LRTM1: variants seen among roughly 807,000 people sequenced by gnomAD.
The protein encoded by LRTM1 is leucine-rich repeat and transmembrane domain-containing protein 1.
In LRTM1, 38 loss-of-function variants were observed where a neutral mutation model predicts 32.4. The ratio of observed to expected loss-of-function variants is 1.17; its 90% CI spans 0.91 to 1.54. The LOEUF (loss-of-function observed/expected upper bound fraction) is 1.54, where lower values mean the gene tolerates loss of function less well. LRTM1 is among the 40% of genes most tolerant of loss of function. LRTM1 has a pLI of 0.00. For synonymous variants in LRTM1, 186 were observed against 169.9 expected (o/e 1.09, Z -0.74); for missense variants, 466 against 415.4 (o/e 1.12, Z -1.06).
chr3:54,933,051 CCCTTCCTTCCTTCCTT>C (rs60554563), upstream of LRTM1, among the ~76,000 whole-genome samples: 39,292 of 139,342 alleles, frequency 0.28, 6,053 homozygotes, highest in East Asian at 0.43. Context: ...ATCCATCCCT[CCCTTCCTTCCTTCCTT>C]CCTTCCTTCC....
At chr3:54,950,176 C>A (rs994198160) in intron 1 of LRTM1, among the ~76,000 whole-genome samples, 34 of 152,208 alleles carry the variant, frequency 2.2e-4, no homozygotes, top group Admixed American at 2.2e-3. Flanking sequence ...TTCCATACAG[C>A]CGAGGTAGCT....
upstream of LRTM1, chr3:54,928,114 C>G: frequency 1.8e-6 from 1 of 569,848 alleles, no homozygotes. Context: ...TTGTCTCCAT[C>G]TGGCTGGGAT....
rs529290447 is a variant in LRTM1, at chr3:54,966,020, A to T, written c.-222+908T>A. On this transcript the variant is annotated intron_variant, in intron 1 of 2. Transcript: ENST00000493075. ...GCGCCCCAAGGAGCTGGGGTAGAGG[A>T]CCGACAGGGGCAGATGAGAACAGAC... 3.9e-5 allele frequency among the ~76,000 whole-genome samples: 6 copies of T among 152,254 alleles called. No homozygotes were observed. The East Asian group carries it at 9.7e-4, about 25-fold the overall frequency.
At chr3:54,961,330 A>G (rs1383346876) in intron 1 of LRTM1, among the ~76,000 whole-genome samples, 1 of 152,210 alleles carries the variant, frequency 6.6e-6, no homozygotes, top group African/African-American at 2.4e-5. Context: ...GATGATCTGG[A>G]TGAGCATTTA....
intron 1 of LRTM1, among the ~76,000 whole-genome samples, chr3:54,934,893 C>T (rs530671980): frequency 3.3e-5 from 5 of 152,094 alleles, no homozygotes; most frequent in African/African-American, 4.8e-5. Flanking sequence ...CACCACACCC[C>T]GCTAATTTCT....
At chr3:54,932,675 C>T (rs559083306), upstream of LRTM1, among the ~76,000 whole-genome samples, 3 of 152,168 alleles carry the variant, frequency 2.0e-5, no homozygotes, top group Non-Finnish European at 4.4e-5. Context: ...GGGGTCTCTA[C>T]GTGTGATGAG....
chr3:54,952,460 G>T (rs1004296198), intron 1 of LRTM1, among the ~76,000 whole-genome samples: 3 of 152,180 alleles, frequency 2.0e-5, no homozygotes, highest in African/African-American at 7.2e-5. Context: ...TCAGTTCACA[G>T]ATGTGGGAAA....
At chr3:54,941,550 T>G (rs907953314) in intron 1 of LRTM1, among the ~76,000 whole-genome samples, 6 of 152,220 alleles carry the variant, frequency 3.9e-5, no homozygotes, top group Admixed American at 3.9e-4. Flanking sequence ...AAATAAAATC[T>G]TAACGACATT....
chr3:54,938,937 G>A (rs1701392620), intron 1 of LRTM1, among the ~76,000 whole-genome samples: 3 of 152,130 alleles, frequency 2.0e-5, no homozygotes, highest in African/African-American at 7.2e-5. Flanking sequence ...ATGTGCATTG[G>A]CCTGCAGAAA....
At chr3:54,933,400 T>G (rs1701254236) in intron 1 of LRTM1, among the ~76,000 whole-genome samples, 2 of 152,214 alleles carry the variant, frequency 1.3e-5, no homozygotes, top group Non-Finnish European at 2.9e-5. Flanking sequence ...GACCCAGGCT[T>G]CTTCCACCTT....
chr3:54,933,666 G>C (rs1422451565), intron 1 of LRTM1, among the ~76,000 whole-genome samples: 2 of 151,862 alleles, frequency 1.3e-5, no homozygotes, highest in Admixed American at 1.3e-4. Flanking sequence ...TAGACATTAA[G>C]TTTCAAATGA....
At chr3:54,927,524 G>A (rs1344542777) in intron 1 of LRTM1, among the ~76,000 whole-genome samples, 1 of 152,164 alleles carries the variant, frequency 6.6e-6, no homozygotes, top group Non-Finnish European at 1.5e-5. Flanking sequence ...GAACATGTTT[G>A]CCGCAGAATC....
chr3:54,928,311 G>A (rs1463493895), upstream of LRTM1, among the ~76,000 whole-genome samples: 1 of 152,128 alleles, frequency 6.6e-6, no homozygotes, highest in Admixed American at 6.5e-5. Context: ...TATTTAATCT[G>A]CTTGAAGTAC....
intron 1 of LRTM1, among the ~76,000 whole-genome samples, chr3:54,943,711 T>G (rs535864214): frequency 1.3e-5 from 2 of 152,178 alleles, no homozygotes; most frequent in South Asian, 2.1e-4. Context: ...ATGTTTGGTA[T>G]TTCTGCCTAT....
At chr3:54,942,694 G>T (rs2106989145) in intron 1 of LRTM1, among the ~76,000 whole-genome samples, 1 of 152,124 alleles carries the variant, frequency 6.6e-6, no homozygotes, top group East Asian at 1.9e-4. Flanking sequence ...TTTGAGACCA[G>T]CCTGGGCAAC....
At chr3:54,920,391 G>A (rs1011898333) in intron 2 of LRTM1, among the ~76,000 whole-genome samples, 4 of 150,970 alleles carry the variant, frequency 2.6e-5, no homozygotes, top group African/African-American at 9.8e-5. Flanking sequence ...TGTTGCCACT[G>A]CTTAAAACTG....
chr3:54,936,188 A>G (rs1243525007), intron 1 of LRTM1, among the ~76,000 whole-genome samples: 3 of 152,200 alleles, frequency 2.0e-5, no homozygotes, highest in Non-Finnish European at 2.9e-5. Flanking sequence ...TCTTTTGCAC[A>G]TAGTAATATA....
chr3:54,940,013 A>C (rs989864442), intron 1 of LRTM1, among the ~76,000 whole-genome samples: 2 of 151,952 alleles, frequency 1.3e-5, no homozygotes, highest in Non-Finnish European at 2.9e-5. Flanking sequence ...TGAGCAGATG[A>C]GCATCTCAGA....
chr3:54,936,929 G>T (rs1000187815), intron 1 of LRTM1, among the ~76,000 whole-genome samples: 1 of 152,096 alleles, frequency 6.6e-6, no homozygotes, highest in African/African-American at 2.4e-5. Context: ...TCACTGCTAC[G>T]GCTGATGTTT....
Sources: gnomAD v4.1 joint callset for allele counts (sites outside exome capture counted in the v4.1 genomes callset) on GRCh38, gnomAD v4.1.1 for gene constraint, MANE v1.5 for transcripts, NCBI Gene and HGNC (gene_info 2026-07-23, HGNC 2026-07-21) for gene names.